The following NACC1 variants were observed in gnomAD, a reference collection of about 807,000 sequenced individuals.
NACC1 encodes nucleus accumbens-associated protein 1.
A neutral mutation model predicts 41.7 loss-of-function variants in NACC1; 6 were observed. The ratio of observed to expected loss-of-function variants is 0.14; its 90% CI spans 0.08 to 0.28. The LOEUF (loss-of-function observed/expected upper bound fraction) is 0.28. Among genes scored for constraint, NACC1 ranks in the 10% least tolerant of loss-of-function variants. The probability of loss-of-function intolerance (pLI) is 1.00; values close to 1 mark genes in which losing one functional copy is unlikely to be tolerated. For missense variants in NACC1, 434 were observed against 763.7 expected (o/e 0.57, Z 5.09); for synonymous variants, 338 against 330.6 (o/e 1.02, Z -0.24).
Position 13,135,189 on chromosome 19 carries a change from C to A in NACC1, c.-8-11C>A, listed in dbSNP as rs764014581. The A allele has an allele frequency of 3.2e-6, 5 of 1,564,584 alleles. No homozygotes were observed. The Admixed American group carries it at 7.3e-5, about 23-fold the overall frequency. On this transcript the variant is annotated splice_polypyrimidine_tract_variant and intron_variant, in intron 1 of 5. Transcript: ENST00000292431. ...TCTCTGTCTCTCCATTCCTCCCTGC[C>A]CCTCGTGCAGCCGCTGCCATGGCCC...
chr19:13,120,026 G>A (rs1304878218), intron 1 of NACC1, among the ~76,000 whole-genome samples: 1 of 152,216 alleles, frequency 6.6e-6, no homozygotes, highest in Admixed American at 6.5e-5. Flanking sequence ...GGTGACTGAA[G>A]GAGCTCCTCG....
At chr19:13,127,304 C>T (rs1177877529) in intron 1 of NACC1, among the ~76,000 whole-genome samples, 1 of 119,710 alleles carries the variant, frequency 8.4e-6, no homozygotes, top group Non-Finnish European at 1.6e-5. Context: ...GAGACCAGCC[C>T]AGGCAATATA....
chr19:13,138,303 G>C lies in NACC1; in HGVS notation c.1481G>C (p.Ser494Thr). 6.2e-7 allele frequency: 1 copy of C among 1,614,212 alleles called. No individual in the cohort carries two copies. The highest frequency in any genetic ancestry group is 8.5e-7 in the Non-Finnish European group (1 of 1,180,038). The change falls in exon 6 of 6, where the codon AGT becomes ACT. Residue 494 changes from serine (S) to threonine (T), a missense_variant. By Grantham distance (58) the Ser-to-Thr change is moderately conservative. Transcript: ENST00000292431. The surrounding 1 kb of genome is among the most constrained non-coding windows in gnomAD (Gnocchi z 5.7). ...AEDDAYTTFI[S>T]ETGKIEPDMM... ...GATGACGCCTACACCACCTTCATCA[G>C]TGAAACGGGCAAGATCGAGCCGGAC...
intron 1 of NACC1, among the ~76,000 whole-genome samples, chr19:13,124,348 C>T (rs771775199): frequency 3.3e-5 from 5 of 151,856 alleles, no homozygotes; most frequent in Non-Finnish European, 7.4e-5. Flanking sequence ...TGCAGTTAGC[C>T]GAAATCACGC....
chr19:13,124,639 T>C (rs1376894296), intron 1 of NACC1, among the ~76,000 whole-genome samples: 1 of 152,136 alleles, frequency 6.6e-6, no homozygotes, highest in Non-Finnish European at 1.5e-5. Context: ...GCAACCTGAG[T>C]AGCTGCCAGG....
At chr19:13,130,278 A>G (rs2019617435) in intron 1 of NACC1, among the ~76,000 whole-genome samples, 1 of 151,678 alleles carries the variant, frequency 6.6e-6, no homozygotes, top group Non-Finnish European at 1.5e-5. Context: ...GGGTCTCACT[A>G]TGTTGCCCAG....
At position 13,138,379 on chromosome 19, in the gene NACC1, G is replaced by T. The variant is rs540165531; in HGVS notation, c.1557G>T (p.Ala519=). The change falls in exon 6 of 6, where the codon GCG becomes GCT. Residue 519 remains alanine, a synonymous_variant. Coordinates refer to ENST00000292431, the MANE Select transcript of NACC1 (RefSeq NM_052876.4). The surrounding 1 kb of genome is among the most constrained non-coding windows in gnomAD (Gnocchi z 5.7). ...AGACCGCCAGCCACGAGGGCGAGGC[G>T]GGTCCCTCGGCTGAAGCCCTGCAGT... ...GFETASHEGE[A]GPSAEALQ 1 of 1,612,230 alleles carries T rather than the reference G, an allele frequency of 6.2e-7. No homozygotes were observed. Among genetic ancestry groups the T allele is most frequent in the African/African-American group, 1.3e-5 (1 of 74,908 alleles).
chr19:13,130,825 C>T (rs1031663841), intron 1 of NACC1, among the ~76,000 whole-genome samples: 74 of 152,250 alleles, frequency 4.9e-4, no homozygotes, highest in African/African-American at 1.7e-3. Flanking sequence ...CGTGAGCCAC[C>T]GCGCCTGGCC....
chr19:13,126,588 C>G (rs932569515), intron 1 of NACC1, among the ~76,000 whole-genome samples: 1 of 152,082 alleles, frequency 6.6e-6, no homozygotes, highest in Non-Finnish European at 1.5e-5. Context: ...CCTGCCAGCC[C>G]CCTTCCTGCA....
At chr19:13,120,141 C>T (rs576009161) in intron 1 of NACC1, among the ~76,000 whole-genome samples, 8 of 152,222 alleles carry the variant, frequency 5.3e-5, no homozygotes, top group African/African-American at 1.9e-4. Context: ...TCCATGGTGT[C>T]CCCGGGGAAT....
intron 1 of NACC1, among the ~76,000 whole-genome samples, chr19:13,129,590 C>G (rs951591932): frequency 6.6e-6 from 1 of 152,146 alleles, no homozygotes; most frequent in African/African-American, 2.4e-5. Flanking sequence ...GGCTCACAGA[C>G]CCGTCGCCCC....
At chr19:13,124,068 GGAAAGAGATAAC>G (rs2019532403) in intron 1 of NACC1, among the ~76,000 whole-genome samples, 1 of 152,084 alleles carries the variant, frequency 6.6e-6, no homozygotes, top group African/African-American at 2.4e-5. Flanking sequence ...AGTCATTCAG[GGAAAGAGATAAC>G]GAATTAAATC....
intron 1 of NACC1, among the ~76,000 whole-genome samples, chr19:13,122,821 C>A (rs570705155): frequency 6.6e-6 from 1 of 152,152 alleles, no homozygotes; most frequent in South Asian, 2.1e-4. Flanking sequence ...GTCTTCTACT[C>A]CCAGGGAGTT....
rs376241651 is a variant in NACC1, at chr19:13,135,659, C to T, written c.452C>T (p.Ser151Leu). The part of the protein sequence containing the change: ...SEPQSPVAQT[S>L]GWPACSTPLP... Reference sequence around the variant, plus strand: ...CCCCAGAGCCCCGTGGCGCAGACATCGGGCTGGCCAGCCTGTAGCACCCCG... The same window carrying T: ...CCCCAGAGCCCCGTGGCGCAGACATTGGGCTGGCCAGCCTGTAGCACCCCG... Residue 151 changes from serine (S) to leucine (L), a missense_variant, in exon 2 of 6, where the codon TCG (serine) becomes TTG (leucine). Ser to Leu is a moderately radical substitution (Grantham distance 145). Around this residue, in one of 4 missense-constraint regions of NACC1, gnomAD observed 234 missense variants for 308.3 expected, o/e 0.76. Transcript: ENST00000292431. The T allele has an allele frequency of 2.1e-5, 32 of 1,558,662 alleles. No homozygotes were observed. The highest frequency in any genetic ancestry group is 3.8e-5 in the Admixed American group (2 of 52,392).
chr19:13,118,320 TGAGGCGGAGGCCGCGGAGGCCGCG>T lies in NACC1; in HGVS notation c.-129_-106del, dbSNP rs1257965018. 2.7e-5 allele frequency: 4 copies of T among 147,128 alleles called. No individual in the cohort carries two copies. Among genetic ancestry groups the T allele is most frequent in the South Asian group, 2.1e-4 (1 of 4,824 alleles). The allele number at this position is 147,128 out of a possible 1,614,324, so 9.1% of individuals were successfully genotyped here. A position where few individuals can be genotyped will look rare whatever the true frequency, so the allele number is the denominator to read the frequency against. ...TGGCCGCCGCGGCTGCCGCTGCTGC[TGAGGCGGAGGCCGCGGAGGCCGCG>T]GAGGCGGAGGCCGAGGCCCCGGCGC... On this transcript the variant is annotated 5_prime_UTR_variant, in exon 1 of 6. Transcript: ENST00000292431.
In NACC1 at chr19:13,135,701, G is replaced by C; in HGVS notation, c.494G>C (p.Arg165Pro). The change falls in exon 2 of 6, where the codon CGG becomes CCG. Residue 165 changes from arginine (R) to proline (P), a missense_variant. This residue lies in a region of NACC1 where 234 missense variants were observed against 308.3 expected (regional missense o/e 0.76). Transcript: ENST00000292431. ...ACSTPLPLVS[R>P]VKTEQQESDS... is the part of the protein sequence containing the mutation. ...AGCACCCCGCTGCCCCTCGTGTCGC[G>C]GGTGAAGACGGAGCAGCAGGAGTCG... The C allele has an allele frequency of 6.4e-7, 1 of 1,552,970 alleles. No homozygotes were observed. The highest frequency in any genetic ancestry group is 8.7e-7 in the Non-Finnish European group (1 of 1,151,844).
intron 1 of NACC1, among the ~76,000 whole-genome samples, chr19:13,133,840 G>A (rs1038982310): frequency 2.6e-5 from 4 of 152,084 alleles, no homozygotes; most frequent in African/African-American, 7.2e-5. Flanking sequence ...ACCGTTTGAG[G>A]AACCGTCAGA....
rs1172148856 is a variant in NACC1, at chr19:13,139,982, G to C, written c.*1576G>C. The C allele has an allele frequency of 2.0e-5, 3 of 152,194 alleles. No homozygotes were observed. Among genetic ancestry groups the C allele is most frequent in the African/African-American group, 7.2e-5 (3 of 41,402 alleles). 9.4% of individuals were successfully genotyped at this position (152,194 alleles called of 1,614,324 possible). A position where few individuals can be genotyped will look rare whatever the true frequency, so the allele number is the denominator to read the frequency against. On this transcript the variant is annotated 3_prime_UTR_variant, in exon 6 of 6. Transcript: ENST00000292431. ...GCTCCCAGGGGTCTCTCCAGGGGCA[G>C]GGGGATTTTAGGAGATGGGGTGGGG...
intron 1 of NACC1, 121 bp from the exon 2 acceptor site, chr19:13,135,079 C>T (rs764008385): frequency 2.2e-4 from 307 of 1,417,046 alleles, no homozygotes; most frequent in Non-Finnish European, 2.7e-4. Context: ...TAGATTCCAT[C>T]GTGCGGATGT....
Sources: gnomAD v4.1 joint callset for allele counts (sites outside exome capture counted in the v4.1 genomes callset) on GRCh38, gnomAD v4.1.1 for gene constraint, gnomAD v4.1.1 regional missense constraint, Gnocchi (gnomAD v3.1) non-coding constraint, MANE v1.5 for transcripts, NCBI Gene and HGNC (gene_info 2026-07-23, HGNC 2026-07-21) for gene names.